Variants in RRM2B observed in about 807,000 individuals in gnomAD.
RRM2B encodes ribonucleotide reductase regulatory TP53 inducible subunit M2B.
Under a neutral mutation model 45.9 loss-of-function variants are expected in RRM2B, and 20 were observed. That is an observed-to-expected ratio of 0.44 (90% CI 0.31 to 0.63). The LOEUF (loss-of-function observed/expected upper bound fraction) is 0.63. RRM2B is among the 30% of genes least tolerant of loss of function. RRM2B has a pLI of 0.09. For synonymous variants in RRM2B, 124 were observed against 132.3 expected (o/e 0.94, Z 0.43); for missense variants, 320 against 414.7 (o/e 0.77, Z 1.98).
In RRM2B at chr8:102,217,822, A is replaced by C. The variant is rs896402434; in HGVS notation, c.684+992T>G. Among the ~76,000 whole-genome samples the C allele has an allele frequency of 4.1e-5, 6 of 145,498 alleles. 1 individual carries two copies. Among genetic ancestry groups the C allele is most frequent in the African/African-American group, 1.0e-4 (4 of 39,592 alleles). ...TCTCTTCTGAGAAGGTAATCCAAAA[A>C]GGTTTAAAAAAAAAAAAAGGGGTGG... On this transcript the variant is annotated intron_variant, in intron 6 of 8. Transcript: ENST00000251810.
chr8:102,220,276 G>C (rs1435844355), intron 5 of RRM2B, among the ~76,000 whole-genome samples: 2 of 152,084 alleles, frequency 1.3e-5, no homozygotes, highest in African/African-American at 4.8e-5. Flanking sequence ...GATGAGGCTT[G>C]TCATTAGTTT....
At chr8:102,211,313 A>G (rs1044429553) in intron 8 of RRM2B, among the ~76,000 whole-genome samples, 4 of 152,218 alleles carry the variant, frequency 2.6e-5, no homozygotes, top group African/African-American at 9.6e-5. Flanking sequence ...TATATTTTTA[A>G]TCTCTAAGTA....
intron 1 of RRM2B, 96 bp downstream of exon 1, chr8:102,238,706 GGCGGGCGGACAGGCCTGTCCTGACC>G: frequency 6.4e-7 from 1 of 1,567,382 alleles, no homozygotes; most frequent in Non-Finnish European, 8.6e-7. Flanking sequence ...CTGCGGCGAG[GGCGGGCGGACAGGCCTGTCCTGACC>G]GCGGCGAATA....
intron 5 of RRM2B, 86 bp downstream of exon 5, chr8:102,223,960 T>A: frequency 2.1e-6 from 2 of 936,144 alleles, no homozygotes; most frequent in Non-Finnish European, 3.5e-6. Flanking sequence ...GCTGTAACTT[T>A]GATTCGTACT....
intron 1 of RRM2B, chr8:102,238,530 AGGCG>A (rs1811164264): frequency 6.8e-7 from 1 of 1,467,818 alleles, no homozygotes; most frequent in Non-Finnish European, 9.1e-7. Flanking sequence ...GGAGAGCGTG[AGGCG>A]GATAAACGCA....
chr8:102,238,325 G>A (rs1811159182), intron 1 of RRM2B: 1 of 344,538 alleles, frequency 2.9e-6, no homozygotes, highest in African/African-American at 2.1e-5. Context: ...TTTTTCACTG[G>A]GAGGAGGTCA....
At chr8:102,225,137 C>T in intron 3 of RRM2B, 119 bp from the exon 4 acceptor site, 1 of 899,952 alleles carries the variant, frequency 1.1e-6, no homozygotes. Context: ...ACAAACAGGT[C>T]AGAAAGACCT....
chr8:102,224,006 C>CT, intron 5 of RRM2B, 40 bp downstream of exon 5: 1 of 1,394,174 alleles, frequency 7.2e-7, no homozygotes, highest in Non-Finnish European at 1.0e-6. Context: ...GTCATATCAC[C>CT]TTAGGCAAAT....
chr8:102,238,679 G>T lies in RRM2B; in HGVS notation c.48+148C>A, dbSNP rs540802877. 36 of 1,544,922 alleles carry T rather than the reference G, an allele frequency of 2.3e-5. No individual in the cohort carries two copies. The African/African-American group carries it at 3.5e-4, about 15-fold the overall frequency. On this transcript the variant is annotated intron_variant, in intron 1 of 8. Coordinates refer to ENST00000251810, the MANE Select transcript of RRM2B (RefSeq NM_015713.5). ...CCCGGGGACGGCCTCCCCGGCGCTC[G>T]CAACGACGAAGCCAGGCTGCGGCGA...
At chr8:102,231,224 T>C (rs1293566442) in intron 2 of RRM2B, among the ~76,000 whole-genome samples, 1 of 152,240 alleles carries the variant, frequency 6.6e-6, no homozygotes, top group African/African-American at 2.4e-5. Context: ...AAATATTTTC[T>C]AGTTTGCTGT....
chr8:102,235,443 G>C (rs1811102684), intron 1 of RRM2B, among the ~76,000 whole-genome samples: 2 of 152,158 alleles, frequency 1.3e-5, no homozygotes, highest in Non-Finnish European at 2.9e-5. Context: ...TCTCACATTA[G>C]ATGTTTAACG....
intron 8 of RRM2B, among the ~76,000 whole-genome samples, chr8:102,211,514 T>G (rs1810635937): frequency 6.6e-6 from 1 of 152,174 alleles, no homozygotes; most frequent in African/African-American, 2.4e-5. Context: ...GTTAGCAAGT[T>G]CCCAAAAGGA....
intron 1 of RRM2B, among the ~76,000 whole-genome samples, 180 bp from the exon 2 acceptor site, chr8:102,232,484 T>C (rs546767367): frequency 1.1e-4 from 17 of 152,316 alleles, no homozygotes; most frequent in Non-Finnish European, 1.3e-4. Flanking sequence ...TGTGTGACCA[T>C]AGAAAGCTGC....
At chr8:102,221,738 C>T (rs959228497) in intron 5 of RRM2B, among the ~76,000 whole-genome samples, 5 of 152,198 alleles carry the variant, frequency 3.3e-5, no homozygotes, top group African/African-American at 1.2e-4. Flanking sequence ...TGCCAGCCTT[C>T]TCTGTGTTCT....
chr8:102,219,364 CTTAAGTTTATA>C, intron 5 of RRM2B, among the ~76,000 whole-genome samples: 1 of 152,226 alleles, frequency 6.6e-6, no homozygotes, highest in Non-Finnish European at 1.5e-5. Context: ...GGAGAGGTTG[CTTAAGTTTATA>C]TTTTTAGAAA....
At position 102,206,813 on chromosome 8, in the gene RRM2B, C is replaced by T. The variant is rs1343809496; in HGVS notation, c.*1320G>A. 6.6e-6 allele frequency: 1 copy of T among 152,186 alleles called. No individual in the cohort carries two copies. The highest frequency in any genetic ancestry group is 2.4e-5 in the African/African-American group (1 of 41,436). The allele number at this position is 152,186 out of a possible 1,614,324, so 9.4% of individuals were successfully genotyped here. On this transcript the variant is annotated 3_prime_UTR_variant, in exon 9 of 9. Transcript: ENST00000251810. ...TTGGTTCCCGGCCTTTCATCAGACT[C>T]TTCTAGAGAAACCTCCTTTTCCCTC...
At chr8:102,219,978 T>A (rs1004890309) in intron 5 of RRM2B, among the ~76,000 whole-genome samples, 9 of 152,290 alleles carry the variant, frequency 5.9e-5, no homozygotes, top group African/African-American at 2.2e-4. Context: ...GTGGCTCACA[T>A]CTGTAATACC....
chr8:102,223,763 A>G (rs1810875747), intron 5 of RRM2B, among the ~76,000 whole-genome samples: 1 of 151,946 alleles, frequency 6.6e-6, no homozygotes, highest in African/African-American at 2.4e-5. Context: ...GTGAATTGCT[A>G]TAATACTCTT....
At chr8:102,222,633 C>T (rs1810855859) in intron 5 of RRM2B, among the ~76,000 whole-genome samples, 1 of 152,154 alleles carries the variant, frequency 6.6e-6, no homozygotes, top group African/African-American at 2.4e-5. Flanking sequence ...CATGACATAT[C>T]CGTAATAATC....
Sources: gnomAD v4.1 joint callset for allele counts (sites outside exome capture counted in the v4.1 genomes callset) on GRCh38, gnomAD v4.1.1 for gene constraint, MANE v1.5 for transcripts, NCBI Gene and HGNC (gene_info 2026-07-23, HGNC 2026-07-21) for gene names.